Variants in TBC1D32 observed in about 807,000 individuals in gnomAD.
The protein encoded by TBC1D32 is TBC1 domain family member 32, also known as protein broad-minded.
A neutral mutation model predicts 170.3 loss-of-function variants in TBC1D32; 151 were observed. That is an observed-to-expected ratio of 0.89 (90% CI 0.78 to 1.01). The LOEUF (loss-of-function observed/expected upper bound fraction) is 1.01, where lower values mean the gene tolerates loss of function less well. TBC1D32 is among the 50% of genes least tolerant of loss of function. The pLI is 0.00. For missense variants in TBC1D32, 1,464 were observed against 1,457.1 expected (o/e 1.00, Z -0.08); for synonymous variants, 498 against 488.0 (o/e 1.02, Z -0.27).
intron 13 of TBC1D32, 130 bp downstream of exon 13, chr6:121,283,688 C>A (rs1803368255): frequency 6.3e-6 from 4 of 631,856 alleles, no homozygotes; most frequent in African/African-American, 5.5e-5. Context: ...AATGTAATTT[C>A]TCTTAATACT....
At chr6:121,130,026 C>T (rs1781260352) in intron 25 of TBC1D32, 1 of 372,266 alleles carries the variant, frequency 2.7e-6, no homozygotes, top group South Asian at 2.1e-5. Flanking sequence ...AAAAACATAT[C>T]CCTTTTTTAA....
intron 12 of TBC1D32, among the ~76,000 whole-genome samples, chr6:121,291,463 G>C (rs147191823): frequency 6.6e-6 from 1 of 152,170 alleles, no homozygotes; most frequent in East Asian, 1.9e-4. Flanking sequence ...ACAGTTTGCT[G>C]TTCCCTGCCA....
At chr6:121,301,921 C>G (rs1806542376) in intron 9 of TBC1D32, among the ~76,000 whole-genome samples, 1 of 151,968 alleles carries the variant, frequency 6.6e-6, no homozygotes, top group African/African-American at 2.4e-5. Flanking sequence ...TGACCCACCG[C>G]ACCTGGCCGG....
chr6:121,279,216 T>G lies in TBC1D32; in HGVS notation c.1638A>C (p.Leu546Phe). 1 of 1,609,790 alleles carries G rather than the reference T, an allele frequency of 6.2e-7. No homozygotes were observed. Among genetic ancestry groups the G allele is most frequent in the Admixed American group, 1.7e-5 (1 of 58,952 alleles). ...EASPNCSETA[L>F]IHIAGILARI... ...TTGCCAAAATACCAGCTATATGAAT[T>G]AAAGCTGTCTCAGAGCAATTTGGAG... The change falls in exon 15 of 32, where the codon TTA (leucine) becomes TTC (phenylalanine). Residue 546 changes from leucine to phenylalanine, a missense_variant. Leu to Phe is a conservative substitution (Grantham distance 22, BLOSUM62 0). Coordinates refer to ENST00000398212, the MANE Select transcript of TBC1D32 (RefSeq NM_152730.6).
intron 1 of TBC1D32, among the ~76,000 whole-genome samples, chr6:121,324,363 A>G (rs967804219): frequency 1.3e-5 from 2 of 152,140 alleles, no homozygotes; most frequent in African/African-American, 4.8e-5. Flanking sequence ...TTAATTATTG[A>G]TTGAATTTTC....
chr6:121,160,764 T>G (rs1785522055), intron 23 of TBC1D32, among the ~76,000 whole-genome samples, 184 bp downstream of exon 23: 1 of 152,222 alleles, frequency 6.6e-6, no homozygotes, highest in Non-Finnish European at 1.5e-5. Context: ...TCATGACCCT[T>G]AGACATCAAA....
chr6:121,191,070 T>C (rs1192058739), intron 22 of TBC1D32, among the ~76,000 whole-genome samples: 1 of 152,192 alleles, frequency 6.6e-6, no homozygotes, highest in Non-Finnish European at 1.5e-5. Context: ...TATGCACACA[T>C]ATGTATATGT....
chr6:121,253,041 C>T (rs564991887), intron 17 of TBC1D32, among the ~76,000 whole-genome samples: 2 of 152,096 alleles, frequency 1.3e-5, no homozygotes, highest in South Asian at 2.1e-4. Context: ...TGGGCATTAG[C>T]TTAGGCAAAG....
At chr6:121,241,435 T>A in intron 19 of TBC1D32, 30 bp downstream of exon 19, 1 of 1,565,310 alleles carries the variant, frequency 6.4e-7, no homozygotes, top group Non-Finnish European at 8.7e-7. Flanking sequence ...TTTAAAATAA[T>A]TATAATTCTA....
chr6:121,232,442 G>A (rs543583103), intron 20 of TBC1D32, among the ~76,000 whole-genome samples: 1 of 151,882 alleles, frequency 6.6e-6, no homozygotes, highest in Non-Finnish European at 1.5e-5. Flanking sequence ...AGGATTGTTT[G>A]TTCTAGTTGT....
chr6:121,102,823 T>A (rs1275991598), intron 30 of TBC1D32, among the ~76,000 whole-genome samples: 3 of 152,100 alleles, frequency 2.0e-5, no homozygotes, highest in Admixed American at 1.3e-4. Flanking sequence ...TGAGAGAAAA[T>A]TTTTGCAATC....
chr6:121,097,227 C>T (rs569635281), intron 30 of TBC1D32, among the ~76,000 whole-genome samples: 1 of 151,860 alleles, frequency 6.6e-6, no homozygotes, highest in African/African-American at 2.4e-5. Flanking sequence ...AGCTTCTGCA[C>T]AGAAAAAGAA....
At chr6:121,188,076 A>C (rs898081952) in intron 22 of TBC1D32, among the ~76,000 whole-genome samples, 1 of 152,158 alleles carries the variant, frequency 6.6e-6, no homozygotes, top group African/African-American at 2.4e-5. Flanking sequence ...CTTTAATTGA[A>C]TGGCTTAACT....
chr6:121,190,936 C>T (rs951843371), intron 22 of TBC1D32, among the ~76,000 whole-genome samples: 1 of 150,344 alleles, frequency 6.7e-6, no homozygotes, highest in Non-Finnish European at 1.5e-5. Flanking sequence ...TTAATATATA[C>T]AGGGAAGAAA....
chr6:121,129,852 C>T, intron 25 of TBC1D32: 1 of 423,868 alleles, frequency 2.4e-6, no homozygotes, highest in Non-Finnish European at 4.6e-6. Context: ...AAAGAGAAAG[C>T]AACAGGAAGA....
At chr6:121,183,037 TG>T (rs1246490729) in intron 22 of TBC1D32, among the ~76,000 whole-genome samples, 4 of 2,122 alleles carry the variant, frequency 1.9e-3, no homozygotes, top group African/African-American at 2.5e-3. Flanking sequence ...AGAGACAGAC[TG>T]TGTGTGTGTG....
chr6:121,326,355 G>A (rs1321065464), intron 1 of TBC1D32, among the ~76,000 whole-genome samples: 2 of 152,114 alleles, frequency 1.3e-5, no homozygotes, highest in Non-Finnish European at 2.9e-5. Flanking sequence ...TACCTAGAAG[G>A]AAGATACTGA....
At chr6:121,279,029 A>T in intron 15 of TBC1D32, 92 bp downstream of exon 15, 1 of 1,404,980 alleles carries the variant, frequency 7.1e-7, no homozygotes, top group Non-Finnish European at 9.5e-7. Context: ...TGGTTACTCC[A>T]GCTTTTTTAG....
At chr6:121,251,759 T>C (rs1798321913) in intron 17 of TBC1D32, among the ~76,000 whole-genome samples, 1 of 151,930 alleles carries the variant, frequency 6.6e-6, no homozygotes, top group Non-Finnish European at 1.5e-5. Flanking sequence ...ATCATCAGAG[T>C]GAACAGGCAA....
Sources: allele counts gnomAD v4.1 joint callset (sites outside exome capture counted in the v4.1 genomes callset), GRCh38; gene constraint gnomAD v4.1.1; transcripts MANE v1.5; gene names NCBI Gene and HGNC (gene_info 2026-07-23, HGNC 2026-07-21).